The following GALNTL6 variants were observed in gnomAD, a reference collection of about 807,000 sequenced individuals.
GALNTL6 encodes the protein polypeptide N-acetylgalactosaminyltransferase like 6.
GALNTL6 carries 46 observed loss-of-function variants against 73.7 expected under a neutral mutation model. The observed-to-expected ratio is 0.62, with a 90% CI of 0.49 to 0.80. GALNTL6 has a LOEUF of 0.80. GALNTL6 is among the 30% of genes least tolerant of loss of function. The pLI is 0.00. For missense variants in GALNTL6, 604 were observed against 755.0 expected (o/e 0.80, Z 2.34); for synonymous variants, 259 against 263.7 (o/e 0.98, Z 0.17).
At chr4:171,998,556 C>A (rs1740569237) in intron 2 of GALNTL6, among the ~76,000 whole-genome samples, 1 of 152,114 alleles carries the variant, frequency 6.6e-6, no homozygotes, top group African/African-American at 2.4e-5. Context: ...GGGGTTAGGA[C>A]TTAAATATAT....
At chr4:172,546,205 G>A (rs1735742968) in intron 5 of GALNTL6, among the ~76,000 whole-genome samples, 1 of 152,072 alleles carries the variant, frequency 6.6e-6, no homozygotes. Flanking sequence ...AATTTTTAAT[G>A]TGATAAAATT....
At chr4:172,877,883 G>A (rs1342000617) in intron 7 of GALNTL6, among the ~76,000 whole-genome samples, 1 of 151,918 alleles carries the variant, frequency 6.6e-6, no homozygotes, top group Non-Finnish European at 1.5e-5. Context: ...TATGTTAAAA[G>A]TTACATGGAC....
intron 2 of GALNTL6, among the ~76,000 whole-genome samples, chr4:171,946,204 T>C (rs1225840998): frequency 1.3e-5 from 2 of 152,166 alleles, no homozygotes; most frequent in African/African-American, 4.8e-5. Flanking sequence ...AGAATACCTT[T>C]CATTCCTGAA....
intron 5 of GALNTL6, among the ~76,000 whole-genome samples, chr4:172,426,829 G>A (rs1193934178): frequency 6.6e-6 from 1 of 152,090 alleles, no homozygotes; most frequent in African/African-American, 2.4e-5. Context: ...CCACAGCACA[G>A]TTAGCAGAAT....
At chr4:172,735,204 A>T (rs1231323026) in intron 5 of GALNTL6, among the ~76,000 whole-genome samples, 1 of 152,166 alleles carries the variant, frequency 6.6e-6, no homozygotes, top group Non-Finnish European at 1.5e-5. Flanking sequence ...CATGAAAGCA[A>T]CCAGGAGGTG....
chr4:173,009,660 A>G (rs186395962), intron 11 of GALNTL6, among the ~76,000 whole-genome samples: 182 of 152,256 alleles, frequency 1.2e-3, no homozygotes, highest in Non-Finnish European at 2.0e-3. Context: ...CATGGTTTTA[A>G]TGACTCTGCT....
At chr4:172,090,673 T>C (rs1732177541) in intron 2 of GALNTL6, among the ~76,000 whole-genome samples, 1 of 152,200 alleles carries the variant, frequency 6.6e-6, no homozygotes. Flanking sequence ...TAGTTTCTTT[T>C]GCTGTGCAGA....
chr4:172,628,873 A>G (rs967760408), intron 5 of GALNTL6, among the ~76,000 whole-genome samples: 1 of 152,130 alleles, frequency 6.6e-6, no homozygotes, highest in Non-Finnish European at 1.5e-5. Flanking sequence ...GATGAATATT[A>G]AAAGATTTTC....
At chr4:171,951,378 A>G (rs1000408456) in intron 2 of GALNTL6, among the ~76,000 whole-genome samples, 8 of 152,216 alleles carry the variant, frequency 5.3e-5, no homozygotes, top group East Asian at 1.9e-4. Context: ...TATGCAATGT[A>G]CATGATAAAA....
chr4:172,295,351 G>A (rs529564974), intron 3 of GALNTL6, among the ~76,000 whole-genome samples: 23 of 151,802 alleles, frequency 1.5e-4, no homozygotes, highest in East Asian at 3.9e-4. Flanking sequence ...GAACCCAGGA[G>A]GTGGAGGTTG....
chr4:172,266,202 G>A (rs1246947230), intron 3 of GALNTL6: 1 of 152,228 alleles, frequency 6.6e-6, no homozygotes. Flanking sequence ...TGAAGCCTGA[G>A]CAGGAGCAGT....
chr4:172,349,243 T>G (rs1437839147), intron 5 of GALNTL6, among the ~76,000 whole-genome samples: 1 of 152,050 alleles, frequency 6.6e-6, no homozygotes, highest in Non-Finnish European at 1.5e-5. Context: ...TTAGCATAAG[T>G]TTTAATACTT....
chr4:172,015,504 A>G (rs768313839), intron 2 of GALNTL6, among the ~76,000 whole-genome samples: 2 of 152,046 alleles, frequency 1.3e-5, no homozygotes, highest in Non-Finnish European at 2.9e-5. Flanking sequence ...CCATTCTGCC[A>G]TTCTGTATAT....
chr4:172,734,447 A>C (rs1478734011), intron 5 of GALNTL6, among the ~76,000 whole-genome samples: 1 of 152,148 alleles, frequency 6.6e-6, no homozygotes, highest in Non-Finnish European at 1.5e-5. Context: ...ACCTGTTCCA[A>C]ATGGGAGAAA....
chr4:171,880,663 G>A (rs1736421564), intron 2 of GALNTL6, among the ~76,000 whole-genome samples: 1 of 152,080 alleles, frequency 6.6e-6, no homozygotes, highest in East Asian at 1.9e-4. Flanking sequence ...AATTGTAAAA[G>A]GCAAAGCAGA....
intron 3 of GALNTL6, among the ~76,000 whole-genome samples, chr4:172,247,065 A>G (rs991192383): frequency 2.6e-5 from 4 of 152,084 alleles, no homozygotes; most frequent in African/African-American, 9.7e-5. Context: ...AACAGTGATG[A>G]TTCAATTAAT....
intron 5 of GALNTL6, among the ~76,000 whole-genome samples, chr4:172,608,752 T>C (rs1738405826): frequency 6.6e-6 from 1 of 152,196 alleles, no homozygotes; most frequent in African/African-American, 2.4e-5. Flanking sequence ...TTAATAATAC[T>C]GATTTAGCAT....
intron 5 of GALNTL6, among the ~76,000 whole-genome samples, chr4:172,357,733 T>G (rs1742215471): frequency 6.6e-6 from 1 of 151,286 alleles, no homozygotes; most frequent in Non-Finnish European, 1.5e-5. Flanking sequence ...AAAACCTGAC[T>G]GCAATATTGT....
intron 5 of GALNTL6, chr4:172,668,197 A>T (rs976722709): frequency 6.6e-6 from 1 of 152,198 alleles, no homozygotes; most frequent in Non-Finnish European, 1.5e-5. Flanking sequence ...GTGCTAGTAG[A>T]CTACATTAGG....
Sources: gnomAD v4.1 joint callset for allele counts (sites outside exome capture counted in the v4.1 genomes callset) on GRCh38, gnomAD v4.1.1 for gene constraint, MANE v1.5 for transcripts, NCBI Gene and HGNC (gene_info 2026-07-23, HGNC 2026-07-21) for gene names.